ARHGAP17: variants seen among roughly 807,000 people sequenced by gnomAD.
ARHGAP17 encodes the protein Rho GTPase activating protein 17, also known as rho GTPase-activating protein 17.
A neutral mutation model predicts 99.5 loss-of-function variants in ARHGAP17; 57 were observed. The observed-to-expected ratio is 0.57, with a 90% CI of 0.46 to 0.71. The LOEUF is 0.71. ARHGAP17 is among the 30% of genes least tolerant of loss of function. The pLI, the probability that ARHGAP17 is intolerant of heterozygous loss-of-function variation, is 0.00. For missense variants in ARHGAP17, 1,000 were observed against 1,122.4 expected (o/e 0.89, Z 1.56); for synonymous variants, 417 against 429.6 (o/e 0.97, Z 0.36).
At chr16:24,991,843 C>T (rs192031043) in intron 1 of ARHGAP17, among the ~76,000 whole-genome samples, 6 of 152,192 alleles carry the variant, frequency 3.9e-5, no homozygotes, top group African/African-American at 4.8e-5. Flanking sequence ...ACGGTATTTA[C>T]GGAGTTCCCA....
chr16:24,964,610 CT>C (rs140089807), intron 6 of ARHGAP17, among the ~76,000 whole-genome samples: 13,659 of 152,172 alleles, frequency 0.09, 697 homozygotes, highest in Middle Eastern at 0.2. Flanking sequence ...CATGGAACCC[CT>C]TTCTTGTGGT....
chr16:24,934,630 T>C (rs994536223), intron 18 of ARHGAP17, among the ~76,000 whole-genome samples: 11 of 152,100 alleles, frequency 7.2e-5, no homozygotes, highest in African/African-American at 2.7e-4. Context: ...ATTTTTAAAA[T>C]TTTTTTTGTA....
intron 19 of ARHGAP17, among the ~76,000 whole-genome samples, chr16:24,930,046 G>C (rs2050941928): frequency 6.6e-6 from 1 of 152,142 alleles, no homozygotes; most frequent in East Asian, 1.9e-4. Context: ...ATAAATTAGA[G>C]CATTTGGGAT....
chr16:25,001,748 C>T (rs1400425622), intron 1 of ARHGAP17, among the ~76,000 whole-genome samples: 1 of 152,072 alleles, frequency 6.6e-6, no homozygotes, highest in East Asian at 1.9e-4. Context: ...GAGACCAGCT[C>T]TACCCAATTT....
At chr16:24,968,238 C>G in intron 6 of ARHGAP17, 113 bp downstream of exon 6, 2 of 1,240,598 alleles carry the variant, frequency 1.6e-6, no homozygotes, top group Non-Finnish European at 2.3e-6. Flanking sequence ...GGCACCCAGT[C>G]TGGGGGTCAA....
At chr16:24,950,512 A>G (rs1482015705) in intron 12 of ARHGAP17, among the ~76,000 whole-genome samples, 1 of 152,172 alleles carries the variant, frequency 6.6e-6, no homozygotes, top group African/African-American at 2.4e-5. Context: ...TCTACCAGGG[A>G]CAAAGTCTCA....
intron 3 of ARHGAP17, among the ~76,000 whole-genome samples, chr16:24,976,571 GA>G (rs2052522900): frequency 6.6e-6 from 1 of 151,660 alleles, no homozygotes; most frequent in South Asian, 2.1e-4. Context: ...AAGGAAAGGG[GA>G]AAGGGGAAAG....
Position 24,959,709 on chromosome 16 carries a change from A to T in ARHGAP17, c.686T>A (p.Val229Asp). The T allele has an allele frequency of 6.2e-7, 1 of 1,614,118 alleles. No homozygotes were observed. Among genetic ancestry groups the T allele is most frequent in the Non-Finnish European group, 8.5e-7 (1 of 1,180,014 alleles). ...CATTTCGGGGAGGGTCTTTTCTAAG[A>T]CTGCTAATGCTTTTCTATGGTAATC... is the stretch of plus-strand genomic sequence containing the variant. ...QADYHRKALA[V>D]LEKTLPEMRA... Residue 229 changes from valine (V) to aspartate (D), a missense_variant, in exon 9 of 20, where the codon GTC (valine) becomes GAC (aspartate). Physicochemically the swap from Val to Asp is radical, Grantham distance 152. This residue lies in a region of ARHGAP17 where 472 missense variants were observed against 611.1 expected (regional missense o/e 0.77). Transcript: ENST00000289968.
chr16:24,982,980 ATATATATATATATATATTTTTT>A (rs1407734233), intron 1 of ARHGAP17, among the ~76,000 whole-genome samples: 7 of 16,872 alleles, frequency 4.1e-4, no homozygotes, highest in Non-Finnish European at 7.5e-4. Context: ...ATATATATAT[ATATATATATATATATATTTTTT>A]TTTTTTTTTT....
At chr16:24,941,920 G>T in intron 16 of ARHGAP17, 67 bp downstream of exon 16, 1 of 1,606,700 alleles carries the variant, frequency 6.2e-7, no homozygotes, top group South Asian at 1.1e-5. Context: ...TCCACTGAGC[G>T]ATACCAGATA....
At chr16:24,989,390 T>C (rs779895910) in intron 1 of ARHGAP17, among the ~76,000 whole-genome samples, 34 of 152,206 alleles carry the variant, frequency 2.2e-4, no homozygotes, top group Non-Finnish European at 4.1e-4. Context: ...CAGGGGCCTA[T>C]TGAGTTTTCT....
chr16:24,975,885 C>T (rs4787659), intron 3 of ARHGAP17, among the ~76,000 whole-genome samples: 8,471 of 152,194 alleles, frequency 0.056, 337 homozygotes, highest in Middle Eastern at 0.13. Flanking sequence ...AGGAACTGAA[C>T]GCTCTGAACA....
At chr16:24,988,317 G>C (rs745705962) in intron 1 of ARHGAP17, among the ~76,000 whole-genome samples, 4 of 152,148 alleles carry the variant, frequency 2.6e-5, no homozygotes, top group Non-Finnish European at 4.4e-5. Context: ...AGAGTTTACA[G>C]AACTCTAAAG....
chr16:24,929,984 A>G (rs1479124945), intron 19 of ARHGAP17, among the ~76,000 whole-genome samples: 2 of 152,218 alleles, frequency 1.3e-5, no homozygotes, highest in African/African-American at 4.8e-5. Flanking sequence ...GCCCCTAATT[A>G]CCATTTTTAA....
chr16:25,001,940 G>A (rs575770910), intron 1 of ARHGAP17, among the ~76,000 whole-genome samples: 8 of 152,148 alleles, frequency 5.3e-5, no homozygotes, highest in Non-Finnish European at 1.2e-4. Flanking sequence ...AATTAGCCGG[G>A]CATGGTGGTG....
At position 24,986,506 on chromosome 16, in the gene ARHGAP17, T is replaced by C. The variant is rs116712590; in HGVS notation, c.54-7501A>G. Reference sequence around the variant, plus strand: ...AAAAAAACAAAATAATAATATTTGGTAACACATGAAAATTTTATGAAATTC... The same window carrying C: ...AAAAAAACAAAATAATAATATTTGGCAACACATGAAAATTTTATGAAATTC... On this transcript the variant is annotated intron_variant, in intron 1 of 19. Transcript: ENST00000289968. Among the ~76,000 whole-genome samples the C allele has an allele frequency of 3.8e-4, 58 of 152,340 alleles. 1 individual carries two copies. Among genetic ancestry groups the C allele is most frequent in the African/African-American group, 1.3e-3 (52 of 41,568 alleles).
chr16:25,007,166 T>G (rs1034390903), intron 1 of ARHGAP17, among the ~76,000 whole-genome samples: 6 of 152,222 alleles, frequency 3.9e-5, no homozygotes, highest in Admixed American at 3.9e-4. Context: ...GTTTAAAGTT[T>G]CAAATTTACA....
chr16:24,923,918 A>AGC (rs2050779052), intron 19 of ARHGAP17, among the ~76,000 whole-genome samples: 2 of 152,110 alleles, frequency 1.3e-5, no homozygotes, highest in African/African-American at 4.8e-5. Context: ...GTGGAATGTT[A>AGC]TCACTGAGGG....
chr16:24,923,490 C>T (rs536025770), intron 19 of ARHGAP17, among the ~76,000 whole-genome samples: 10 of 152,088 alleles, frequency 6.6e-5, no homozygotes, highest in South Asian at 4.1e-4. Context: ...ATAGGCTGGG[C>T]GTGGTGGGAT....
Sources: gnomAD v4.1 joint callset for allele counts (sites outside exome capture counted in the v4.1 genomes callset) on GRCh38, gnomAD v4.1.1 for gene constraint, gnomAD v4.1.1 regional missense constraint, MANE v1.5 for transcripts, NCBI Gene and HGNC (gene_info 2026-07-23, HGNC 2026-07-21) for gene names.